The following NEDD9 variants were observed in gnomAD, a reference collection of about 807,000 sequenced individuals.
NEDD9 encodes the protein neural precursor cell expressed, developmentally down-regulated 9.
In NEDD9, 26 loss-of-function variants were observed where a neutral mutation model predicts 76.6. The observed-to-expected ratio is 0.34, with a 90% CI of 0.25 to 0.47. The LOEUF (loss-of-function observed/expected upper bound fraction) is 0.47, where lower values mean the gene tolerates loss of function less well. NEDD9 is among the 20% of genes least tolerant of loss of function. NEDD9 has a pLI of 1.00. For missense variants in NEDD9, 937 were observed against 1,058.5 expected, an observed-to-expected ratio of 0.89 and a Z score of 1.59; for synonymous variants, 392 against 414.2, an observed-to-expected ratio of 0.95 and a Z score of 0.65.
chr6:11,281,299 G>C (rs1335172347), intron 3 of NEDD9, among the ~76,000 whole-genome samples: 1 of 152,168 alleles, frequency 6.6e-6, no homozygotes, highest in Non-Finnish European at 1.5e-5. Context: ...CCTAAAGTGT[G>C]ATATCGATTT....
chr6:11,203,003 G>A (rs1758497678), intron 2 of NEDD9, among the ~76,000 whole-genome samples: 1 of 152,190 alleles, frequency 6.6e-6, no homozygotes, highest in African/African-American at 2.4e-5. Context: ...TGGAAACAGT[G>A]CCCCTATTGT....
chr6:11,318,220 T>C (rs1761635036), intron 2 of NEDD9, among the ~76,000 whole-genome samples: 1 of 152,222 alleles, frequency 6.6e-6, no homozygotes, highest in African/African-American at 2.4e-5. Context: ...TCTTGGGACC[T>C]GCCTGCCTCC....
chr6:11,303,223 T>C (rs754280306), intron 3 of NEDD9, among the ~76,000 whole-genome samples: 3 of 152,008 alleles, frequency 2.0e-5, no homozygotes, highest in Non-Finnish European at 2.9e-5. Context: ...ACACCAATAA[T>C]AGACAAACAG....
intron 3 of NEDD9, among the ~76,000 whole-genome samples, chr6:11,266,732 G>A (rs1055336984): frequency 2.0e-5 from 3 of 152,218 alleles, no homozygotes; most frequent in African/African-American, 7.2e-5. Flanking sequence ...GATAGTTGTA[G>A]TTTCCAATGG....
At chr6:11,274,026 A>G (rs1760367285) in intron 3 of NEDD9, among the ~76,000 whole-genome samples, 1 of 152,158 alleles carries the variant, frequency 6.6e-6, no homozygotes, top group South Asian at 2.1e-4. Flanking sequence ...GCTACGAGAT[A>G]CTGTTTCCAG....
intron 1 of NEDD9, among the ~76,000 whole-genome samples, chr6:11,342,448 G>A (rs190990353): frequency 1.3e-5 from 2 of 152,254 alleles, no homozygotes; most frequent in East Asian, 3.9e-4. Context: ...GACACATACA[G>A]AGGAACAAAG....
At chr6:11,251,014 G>A (rs1009081588) in intron 3 of NEDD9, among the ~76,000 whole-genome samples, 1 of 152,148 alleles carries the variant, frequency 6.6e-6, no homozygotes, top group African/African-American at 2.4e-5. Flanking sequence ...GCTGTAAGGA[G>A]ACTTAAAGAG....
intron 3 of NEDD9, among the ~76,000 whole-genome samples, chr6:11,257,775 CTG>C (rs3067253): frequency 0.022 from 3,105 of 142,816 alleles, 46 homozygotes; most frequent in Middle Eastern, 0.035. Context: ...AATGTAGATT[CTG>C]TGTGTGTGTG....
chr6:11,284,382 C>T (rs1285528399), intron 3 of NEDD9, among the ~76,000 whole-genome samples: 121 of 142,906 alleles, frequency 8.5e-4, no homozygotes, highest in African/African-American at 3.0e-3. Context: ...GGTGAAACCC[C>T]GTCTCTACTA....
chr6:11,233,444 C>T (rs1436851745), upstream of NEDD9: 3 of 518,784 alleles, frequency 5.8e-6, no homozygotes, highest in Admixed American at 1.9e-5. Context: ...GGCCAGTGCA[C>T]GCCCTATACA....
intron 3 of NEDD9, among the ~76,000 whole-genome samples, chr6:11,267,055 A>C (rs187975678): frequency 3.8e-4 from 58 of 152,366 alleles, no homozygotes; most frequent in Non-Finnish European, 6.3e-4. Flanking sequence ...ACCATGTCAA[A>C]GAGAATCTGC....
At chr6:11,231,649 T>G (rs1328605907) in intron 1 of NEDD9, among the ~76,000 whole-genome samples, 1 of 152,226 alleles carries the variant, frequency 6.6e-6, no homozygotes, top group Admixed American at 6.5e-5. Flanking sequence ...TTCATTGCAG[T>G]CTGCTTTCTT....
chr6:11,276,670 C>T (rs1277185463), intron 3 of NEDD9, among the ~76,000 whole-genome samples: 1 of 152,098 alleles, frequency 6.6e-6, no homozygotes, highest in East Asian at 1.9e-4. Flanking sequence ...GTCCTGGTTC[C>T]CTGATTCTGA....
intron 1 of NEDD9, among the ~76,000 whole-genome samples, chr6:11,364,037 G>A (rs1762721156): frequency 6.6e-6 from 1 of 152,148 alleles, no homozygotes; most frequent in Non-Finnish European, 1.5e-5. Flanking sequence ...GGTTCCTGCT[G>A]GTCCGTGATA....
chr6:11,340,116 A>C (rs1762243658), intron 1 of NEDD9, among the ~76,000 whole-genome samples: 1 of 152,202 alleles, frequency 6.6e-6, no homozygotes, highest in South Asian at 2.1e-4. Flanking sequence ...ATTGCCTCTC[A>C]ATAGTCTTCA....
At chr6:11,214,239 A>AT in intron 1 of NEDD9, 1 of 515,372 alleles carries the variant, frequency 1.9e-6, no homozygotes, top group Admixed American at 2.0e-5. Flanking sequence ...ACACATATAT[A>AT]TGCCTTGGCA....
chr6:11,228,564 G>GTTTT (rs78294541), intron 1 of NEDD9, among the ~76,000 whole-genome samples: 3 of 151,322 alleles, frequency 2.0e-5, no homozygotes, highest in African/African-American at 7.3e-5. Context: ...AGAGGAAGGT[G>GTTTT]TTTTTTTCAG....
At chr6:11,315,840 C>A (rs1391237007) in intron 2 of NEDD9, among the ~76,000 whole-genome samples, 2 of 152,186 alleles carry the variant, frequency 1.3e-5, no homozygotes, top group African/African-American at 4.8e-5. Flanking sequence ...GGCATAGCAA[C>A]AAATAATTCA....
intron 1 of NEDD9, among the ~76,000 whole-genome samples, chr6:11,361,265 T>G (rs1229827447): frequency 6.6e-6 from 1 of 152,198 alleles, no homozygotes; most frequent in Admixed American, 6.5e-5. Context: ...ATCTTCTGTA[T>G]TAGGGCATTC....
Sources: gnomAD v4.1 joint callset for allele counts (sites outside exome capture counted in the v4.1 genomes callset) on GRCh38, gnomAD v4.1.1 for gene constraint, MANE v1.5 for transcripts, NCBI Gene and HGNC (gene_info 2026-07-23, HGNC 2026-07-21) for gene names.